Variants in IRAK3 observed in about 807,000 individuals in gnomAD.
IRAK3 encodes the protein interleukin 1 receptor associated kinase 3.
IRAK3 carries 57 observed loss-of-function variants against 56.6 expected under a neutral mutation model. That is an observed-to-expected ratio of 1.01 (90% CI 0.81 to 1.26). The LOEUF is 1.26. IRAK3 is among the 50% of genes most tolerant of loss of function. The pLI is 0.00. For missense variants in IRAK3, 703 were observed against 719.0 expected (o/e 0.98, Z 0.25); for synonymous variants, 258 against 255.7 (o/e 1.01, Z -0.09).
At chr12:66,197,850 G>T (rs2052469636) in intron 1 of IRAK3, 1 of 985,154 alleles carries the variant, frequency 1.0e-6, no homozygotes, top group Non-Finnish European at 1.2e-6. Flanking sequence ...TCTCAGCCAA[G>T]TCACAGGACG....
At chr12:66,244,098 C>T (rs2053001336) in intron 8 of IRAK3, among the ~76,000 whole-genome samples, 1 of 152,210 alleles carries the variant, frequency 6.6e-6, no homozygotes, top group African/African-American at 2.4e-5. Context: ...ACAGCTCTTG[C>T]ACATAACAGA....
At chr12:66,224,759 A>G (rs1172190516) in intron 6 of IRAK3, among the ~76,000 whole-genome samples, 3 of 152,230 alleles carry the variant, frequency 2.0e-5, no homozygotes, top group Non-Finnish European at 4.4e-5. Flanking sequence ...GCCCAAGTTA[A>G]CACAGCTGTT....
chr12:66,248,207 C>T lies in IRAK3; in HGVS notation c.*36C>T, dbSNP rs541950313. The stretch of plus-strand genomic sequence containing the variant: ...AAGATAAAGAAAAAAGCAAGTATTG[C>T]ATAGGCACCTGAGCATAGGTATGAC... On this transcript the variant is annotated 3_prime_UTR_variant, in exon 12 of 12. Coordinates refer to ENST00000261233, the MANE Select transcript of IRAK3 (RefSeq NM_007199.3). The T allele has an allele frequency of 6.2e-5, 90 of 1,461,502 alleles. No individual in the cohort carries two copies. In the South Asian group the frequency reaches 9.6e-4, roughly 16 times the overall value. 90.5% of individuals were successfully genotyped at this position (1,461,502 alleles called of 1,614,324 possible). A position where few individuals can be genotyped will look rare whatever the true frequency, so the allele number is the denominator to read the frequency against.
rs141443259 is a variant in IRAK3 at position 66,227,852 on chromosome 12, G to A, written c.769-400G>A. On this transcript the variant is annotated intron_variant, in intron 7 of 11. Transcript: ENST00000261233. ...CATGATTCCTCGTTAGATGTCTTTG[G>A]AGGTTAAGTTTAAAAATTGATTCCA... is the stretch of plus-strand genomic sequence containing the variant. Among the ~76,000 whole-genome samples the A allele has an allele frequency of 5.5e-4, 83 of 152,198 alleles. No individual in the cohort carries two copies. The East Asian group carries it at 0.014, about 25-fold the overall frequency.
At chr12:66,195,544 G>C (rs2052442817) in intron 1 of IRAK3, among the ~76,000 whole-genome samples, 1 of 152,074 alleles carries the variant, frequency 6.6e-6, no homozygotes, top group Non-Finnish European at 1.5e-5. Context: ...AACCACATTA[G>C]CCTCCTTGTT....
At chr12:66,199,472 T>C (rs1029167698) in intron 1 of IRAK3, among the ~76,000 whole-genome samples, 1 of 152,164 alleles carries the variant, frequency 6.6e-6, no homozygotes, top group Non-Finnish European at 1.5e-5. Context: ...TCTGAAACTG[T>C]AGTGATTATT....
chr12:66,191,365 A>G (rs972413999), intron 1 of IRAK3, among the ~76,000 whole-genome samples: 6 of 152,198 alleles, frequency 3.9e-5, no homozygotes, highest in Non-Finnish European at 4.4e-5. Context: ...GCTACAGTTT[A>G]ACCCAGTTAC....
At chr12:66,239,283 T>C (rs1411470381) in intron 8 of IRAK3, among the ~76,000 whole-genome samples, 5 of 145,002 alleles carry the variant, frequency 3.4e-5, no homozygotes, top group Non-Finnish European at 7.5e-5. Flanking sequence ...GAAGAAGCCA[T>C]TTGCTTCAAA....
rs2053056100 is a variant in IRAK3, at chr12:66,248,099, G to C, written c.1719G>C (p.Arg573Ser). The C allele has an allele frequency of 1.2e-6, 2 of 1,606,482 alleles. No homozygotes were observed. Among genetic ancestry groups the C allele is most frequent in the Admixed American group, 3.4e-5 (2 of 58,426 alleles). The change falls in exon 12 of 12, where the codon AGG (arginine) becomes AGC (serine). Residue 573 changes from arginine to serine, a missense_variant. Coordinates refer to ENST00000261233, the MANE Select transcript of IRAK3 (RefSeq NM_007199.3). Reference protein sequence around the residue: ...PSSEAPGHSCRSRPVESSCSS... With the variant: ...PSSEAPGHSCSSRPVESSCSS... ...CAGAAGCTCCAGGGCATTCTTGCAGGAGCAGGCCAGTGGAGAGCAGCTGTT... is the reference window on the plus strand; with the variant it reads ...CAGAAGCTCCAGGGCATTCTTGCAGCAGCAGGCCAGTGGAGAGCAGCTGTT...
chr12:66,232,808 T>C (rs2136942936), intron 8 of IRAK3, among the ~76,000 whole-genome samples: 1 of 152,330 alleles, frequency 6.6e-6, no homozygotes, highest in Non-Finnish European at 1.5e-5. Context: ...ACGGCTTTGA[T>C]AATTGGCTGA....
At position 66,248,225 on chromosome 12, in the gene IRAK3, G is replaced by A; in HGVS notation, c.*54G>A. On this transcript the variant is annotated 3_prime_UTR_variant, in exon 12 of 12. Coordinates refer to ENST00000261233, the MANE Select transcript of IRAK3 (RefSeq NM_007199.3). ...AGTATTGCATAGGCACCTGAGCATA[G>A]GTATGACCTTGGGAAGACATTGGCT... 7 of 1,305,072 alleles carry A rather than the reference G, an allele frequency of 5.4e-6. No homozygotes were observed. Among genetic ancestry groups the A allele is most frequent in the Non-Finnish European group, 7.7e-6 (7 of 903,898 alleles). The allele number at this position is 1,305,072 out of a possible 1,614,324, so 80.8% of individuals were successfully genotyped here. A position where few individuals can be genotyped will look rare whatever the true frequency, so the allele number is the denominator to read the frequency against.
chr12:66,200,129 A>G (rs1469288519), intron 1 of IRAK3, among the ~76,000 whole-genome samples: 1 of 152,226 alleles, frequency 6.6e-6, no homozygotes, highest in Non-Finnish European at 1.5e-5. Flanking sequence ...TTTGATATGT[A>G]ATTGCAAATG....
At chr12:66,208,427 A>G (rs1442159804) in intron 2 of IRAK3, among the ~76,000 whole-genome samples, 1 of 152,174 alleles carries the variant, frequency 6.6e-6, no homozygotes, top group Admixed American at 6.6e-5. Flanking sequence ...AGGAAGATAT[A>G]ATATCATAAT....
chr12:66,209,691 A>G (rs2052593613), intron 3 of IRAK3, among the ~76,000 whole-genome samples, 171 bp downstream of exon 3: 1 of 152,220 alleles, frequency 6.6e-6, no homozygotes, highest in African/African-American at 2.4e-5. Context: ...TTAGGAAATT[A>G]GAGATTTATA....
intron 2 of IRAK3, among the ~76,000 whole-genome samples, chr12:66,205,347 T>A (rs1297058382): frequency 1.3e-5 from 2 of 152,238 alleles, no homozygotes; most frequent in Non-Finnish European, 2.9e-5. Flanking sequence ...ATTAGCCGAT[T>A]GGTAAAAAGA....
chr12:66,235,105 G>A, intron 8 of IRAK3: 1 of 1,613,248 alleles, frequency 6.2e-7, no homozygotes, highest in Non-Finnish European at 8.5e-7. Flanking sequence ...GGATATAGAG[G>A]TTCGTTTTGC....
In IRAK3 at chr12:66,203,884, A is replaced by G. The variant is rs2052532776; in HGVS notation, c.307A>G (p.Thr103Ala). The change falls in exon 2 of 12, where the codon ACA becomes GCA. Residue 103 changes from threonine (T) to alanine (A), a missense_variant. Transcript: ENST00000261233. Reference sequence around the variant, plus strand: ...ACATCGTCGAGCTATTCATTTAATTACAAACTATGGTAAATGCTGATTCTT... The same window carrying G: ...ACATCGTCGAGCTATTCATTTAATTGCAAACTATGGTAAATGCTGATTCTT... ...MGHRRAIHLI[T>A]NYGAVLSPSE... 9 of 1,613,034 alleles carry G rather than the reference A, an allele frequency of 5.6e-6. No homozygotes were observed. The highest frequency in any genetic ancestry group is 1.7e-5 in the Admixed American group (1 of 59,982).
At chr12:66,235,321 G>GC in intron 8 of IRAK3, 1 of 1,163,364 alleles carries the variant, frequency 8.6e-7, no homozygotes, top group South Asian at 3.4e-5. Context: ...GCGGGCGCGG[G>GC]GCAGCCTGGG....
rs2052809895 is a variant in IRAK3, at chr12:66,228,340, C to G, written c.857C>G (p.Pro286Arg). The G allele has an allele frequency of 1.9e-6, 3 of 1,613,534 alleles. No individual in the cohort carries two copies. Among genetic ancestry groups the G allele is most frequent in the Admixed American group, 3.3e-5 (2 of 60,000 alleles). Residue 286 changes from proline to arginine, a missense_variant, in exon 8 of 12, where the codon CCA becomes CGA. By Grantham distance (103) the Pro-to-Arg change is moderately radical (BLOSUM62 -2). Transcript: ENST00000261233. ...KAIHYLHNVQ[P>R]CSVICGSISS... ...ATTCACTACCTGCACAACGTTCAAC[C>G]ATGCTCGGTCATCTGTGGCAGTATA... is the stretch of plus-strand genomic sequence containing the variant.
Sources: allele counts gnomAD v4.1 joint callset (sites outside exome capture counted in the v4.1 genomes callset), GRCh38; gene constraint gnomAD v4.1.1; transcripts MANE v1.5; gene names NCBI Gene and HGNC (gene_info 2026-07-23, HGNC 2026-07-21).